Variants in SIPA1L3 observed in about 807,000 individuals in gnomAD.
SIPA1L3 encodes signal-induced proliferation-associated 1-like protein 3.
In SIPA1L3, 59 loss-of-function variants were observed where a neutral mutation model predicts 150.1. The ratio of observed to expected loss-of-function variants is 0.39; its 90% CI spans 0.32 to 0.49. The LOEUF (loss-of-function observed/expected upper bound fraction) is 0.49. SIPA1L3 is among the 20% of genes least tolerant of loss of function. The probability of loss-of-function intolerance (pLI) is 0.86; values close to 1 mark genes in which losing one functional copy is unlikely to be tolerated. For missense variants in SIPA1L3, 2,211 were observed against 2,489.5 expected, an observed-to-expected ratio of 0.89 and a Z score of 2.38; for synonymous variants, 1,070 against 1,077.6, an observed-to-expected ratio of 0.99 and a Z score of 0.14.
At chr19:37,933,338 G>C (rs1176024845) in intron 1 of SIPA1L3, among the ~76,000 whole-genome samples, 2 of 152,002 alleles carry the variant, frequency 1.3e-5, no homozygotes, top group African/African-American at 4.8e-5. Context: ...TCTCTGTTCA[G>C]ATGTCACCTT....
intron 13 of SIPA1L3, 120 bp downstream of exon 13, chr19:38,153,087 C>T: frequency 7.7e-7 from 1 of 1,291,596 alleles, no homozygotes. Context: ...CAAAAGAAAG[C>T]TGTAAGCGCC....
chr19:37,925,080 A>G (rs1453488528), intron 1 of SIPA1L3, among the ~76,000 whole-genome samples: 3 of 151,910 alleles, frequency 2.0e-5, no homozygotes, highest in Non-Finnish European at 4.4e-5. Context: ...TGTACTGTAC[A>G]TGATTGTATG....
chr19:38,195,798 C>CCG (rs1972912114), intron 18 of SIPA1L3, among the ~76,000 whole-genome samples: 1 of 115,126 alleles, frequency 8.7e-6, no homozygotes, highest in Non-Finnish European at 1.8e-5. Flanking sequence ...CCCCGTCCCC[C>CCG]CCCGCCCCCC....
chr19:38,055,470 TTCGCCAAAAGG>T, intron 2 of SIPA1L3, among the ~76,000 whole-genome samples: 1 of 152,322 alleles, frequency 6.6e-6, no homozygotes, highest in East Asian at 1.9e-4. Flanking sequence ...AAACAATAGC[TTCGCCAAAAGG>T]TCCCATCCCC....
chr19:37,936,164 G>A (rs2046598521), intron 1 of SIPA1L3, among the ~76,000 whole-genome samples: 1 of 152,236 alleles, frequency 6.6e-6, no homozygotes, highest in Admixed American at 6.5e-5. Flanking sequence ...GCAGACGTCT[G>A]CTTGTGACTA....
At chr19:38,182,179 G>C (rs187287808) in intron 15 of SIPA1L3, among the ~76,000 whole-genome samples, 9 of 150,942 alleles carry the variant, frequency 6.0e-5, no homozygotes, top group African/African-American at 1.9e-4. Flanking sequence ...AGAGCAAACT[G>C]TAAGCCATAG....
At chr19:38,059,890 C>T (rs553201253) in intron 2 of SIPA1L3, among the ~76,000 whole-genome samples, 2 of 152,272 alleles carry the variant, frequency 1.3e-5, no homozygotes, top group Non-Finnish European at 2.9e-5. Context: ...ATTCTCCTGC[C>T]TCACCTCCCA....
At chr19:38,177,799 G>A (rs1232410844) in intron 15 of SIPA1L3, among the ~76,000 whole-genome samples, 3 of 152,194 alleles carry the variant, frequency 2.0e-5, no homozygotes, top group Non-Finnish European at 4.4e-5. Context: ...GTCGAGGCAG[G>A]TGGATCACTT....
intron 1 of SIPA1L3, among the ~76,000 whole-genome samples, chr19:38,007,595 TTTA>T (rs759062297): frequency 1.3e-5 from 2 of 151,398 alleles, no homozygotes; most frequent in African/African-American, 2.4e-5. Flanking sequence ...CTCTTCATTA[TTTA>T]TTATTATTAT....
At chr19:38,170,350 C>T (rs1328381727) in intron 15 of SIPA1L3, among the ~76,000 whole-genome samples, 1 of 152,216 alleles carries the variant, frequency 6.6e-6, no homozygotes, top group East Asian at 1.9e-4. Flanking sequence ...ACACGTGCCT[C>T]TGCCTCCCAT....
chr19:37,937,741 C>CAAAAGAAAAAAAAAAAAAAAAA (rs2046613211), intron 1 of SIPA1L3, among the ~76,000 whole-genome samples: 1 of 18,674 alleles, frequency 5.4e-5, no homozygotes, highest in Non-Finnish European at 9.3e-5. Flanking sequence ...AACCCTGTCT[C>CAAAAGAAAAAAAAAAAAAAAAA]AAAAAAAAAA....
At chr19:37,996,212 GC>G (rs2145645670) in intron 1 of SIPA1L3, among the ~76,000 whole-genome samples, 2 of 152,238 alleles carry the variant, frequency 1.3e-5, no homozygotes, top group South Asian at 4.1e-4. Flanking sequence ...ATAGGCGTGA[GC>G]CAGCACACCC....
chr19:38,192,492 G>T (rs1198600010), intron 17 of SIPA1L3, among the ~76,000 whole-genome samples, 182 bp downstream of exon 17: 2 of 152,232 alleles, frequency 1.3e-5, no homozygotes. Context: ...AGTGAGGGCA[G>T]CGCATTGGTC....
rs556368846 is a variant in SIPA1L3 at position 37,969,632 on chromosome 19, G to A, written c.-378-59457G>A. Among the ~76,000 whole-genome samples the A allele has an allele frequency of 5.9e-5, 9 of 152,160 alleles. No individual in the cohort carries two copies. In the South Asian group the frequency reaches 6.2e-4, roughly 11 times the overall value. On this transcript the variant is annotated intron_variant, in intron 1 of 21. Transcript: ENST00000222345. Reference sequence around the variant, plus strand: ...TTATAAGGTCCCCCGTGATGCAGCCGTGCTGGCCTTGCTTACTGCACACCA... The same window carrying A: ...TTATAAGGTCCCCCGTGATGCAGCCATGCTGGCCTTGCTTACTGCACACCA...
chr19:38,057,563 G>A (rs1160085087), intron 2 of SIPA1L3, among the ~76,000 whole-genome samples: 2 of 151,784 alleles, frequency 1.3e-5, no homozygotes, highest in Non-Finnish European at 2.9e-5. Context: ...CTGTTATAAA[G>A]GATACTATGA....
Position 38,133,949 on chromosome 19 carries a change from G to A in SIPA1L3, c.3143+3177G>A, listed in dbSNP as rs1259968790. ...ACTTGAGCCCAGCAGTTCGAGACCA[G>A]CCTAGGCAACATAGCAAGACCTCGC... On this transcript the variant is annotated intron_variant, in intron 10 of 21. Coordinates refer to ENST00000222345, the MANE Select transcript of SIPA1L3 (RefSeq NM_015073.3). 2.0e-5 allele frequency among the ~76,000 whole-genome samples: 3 copies of A among 152,064 alleles called. No homozygotes were observed. In the East Asian group the frequency reaches 5.8e-4, roughly 29 times the overall value.
intron 1 of SIPA1L3, among the ~76,000 whole-genome samples, chr19:37,988,446 C>A (rs1014225854): frequency 1.3e-5 from 2 of 152,054 alleles, no homozygotes; most frequent in African/African-American, 4.8e-5. Context: ...GAGGCCGAGG[C>A]GGGTGGATCA....
intron 12 of SIPA1L3, among the ~76,000 whole-genome samples, chr19:38,145,534 C>CAAAAAAAAA (rs35073920): frequency 1.1e-5 from 1 of 94,300 alleles, no homozygotes. Context: ...AACTCCGTCT[C>CAAAAAAAAA]AAAAAAAAAA....
At chr19:38,150,291 G>A (rs1971790165) in intron 12 of SIPA1L3, among the ~76,000 whole-genome samples, 1 of 152,132 alleles carries the variant, frequency 6.6e-6, no homozygotes, top group African/African-American at 2.4e-5. Context: ...TTCAGAGAGT[G>A]CAGTGCCCCT....
Sources: gnomAD v4.1 joint callset for allele counts (sites outside exome capture counted in the v4.1 genomes callset) on GRCh38, gnomAD v4.1.1 for gene constraint, MANE v1.5 for transcripts, NCBI Gene and HGNC (gene_info 2026-07-23, HGNC 2026-07-21) for gene names.